The following NEURL1 variants were observed in gnomAD, a reference collection of about 807,000 sequenced individuals.
NEURL1 encodes the protein neuralized E3 ubiquitin protein ligase 1, also known as E3 ubiquitin-protein ligase NEURL1.
Under a neutral mutation model 41.2 loss-of-function variants are expected in NEURL1, and 26 were observed. The observed-to-expected ratio is 0.63, with a 90% CI of 0.46 to 0.87. NEURL1 has a LOEUF of 0.87. Ranked by LOEUF, NEURL1 falls within the 40% of genes least tolerant of loss-of-function variation. The pLI, the probability that NEURL1 is intolerant of heterozygous loss-of-function variation, is 0.00. For synonymous variants in NEURL1, 400 were observed against 402.3 expected, an observed-to-expected ratio of 0.99 and a Z score of 0.07; for missense variants, 761 against 871.1, an observed-to-expected ratio of 0.87 and a Z score of 1.59.
chr10:103,513,098 G>A (rs1178412185), intron 1 of NEURL1, among the ~76,000 whole-genome samples: 8 of 151,176 alleles, frequency 5.3e-5, no homozygotes, highest in African/African-American at 1.7e-4. Context: ...ACCATCACCC[G>A]GTGCCCACCC....
intron 1 of NEURL1, among the ~76,000 whole-genome samples, chr10:103,567,649 T>G (rs2035454021): frequency 6.6e-6 from 1 of 152,216 alleles, no homozygotes; most frequent in Non-Finnish European, 1.5e-5. Flanking sequence ...TCCTCCTGCC[T>G]TGGCCTCCCA....
At chr10:103,549,881 C>T (rs894410397) in intron 1 of NEURL1, among the ~76,000 whole-genome samples, 1 of 152,252 alleles carries the variant, frequency 6.6e-6, no homozygotes, top group Non-Finnish European at 1.5e-5. Context: ...GTCCTCCTTG[C>T]CTTCCACCCA....
rs534104060 is a variant in NEURL1, at chr10:103,498,320, C to G, written c.85+3848C>G. Among the ~76,000 whole-genome samples the G allele has an allele frequency of 1.4e-3, 207 of 152,294 alleles. 1 individual carries two copies. The highest frequency in any genetic ancestry group is 4.9e-3 in the African/African-American group (203 of 41,578). On this transcript the variant is annotated intron_variant, in intron 1 of 5. Coordinates refer to ENST00000369780, the MANE Select transcript of NEURL1 (RefSeq NM_004210.5). Reference sequence around the variant, plus strand: ...TCGGCTCACTGCAAGCTCCGCCTCCCGGGTTCACGCCTTCTCCCGCCTCAG... The same window carrying G: ...TCGGCTCACTGCAAGCTCCGCCTCCGGGGTTCACGCCTTCTCCCGCCTCAG...
chr10:103,509,234 CAAAAA>C (rs56319349), intron 1 of NEURL1, among the ~76,000 whole-genome samples: 23 of 111,534 alleles, frequency 2.1e-4, no homozygotes, highest in African/African-American at 5.8e-4. Flanking sequence ...GACTCTGTCT[CAAAAA>C]AAAAAAAAAA....
chr10:103,497,266 C>T (rs1564800740), intron 1 of NEURL1, among the ~76,000 whole-genome samples: 1 of 152,296 alleles, frequency 6.6e-6, no homozygotes, highest in East Asian at 1.9e-4. Context: ...GCCAGAAGTT[C>T]ATTCTAATTG....
chr10:103,509,038 G>A (rs1017988862), intron 1 of NEURL1, among the ~76,000 whole-genome samples: 2 of 152,132 alleles, frequency 1.3e-5, no homozygotes, highest in Admixed American at 6.5e-5. Context: ...AGACCAGCCC[G>A]GCCAACATGG....
chr10:103,494,550 G>A, intron 1 of NEURL1, 78 bp downstream of exon 1: 5 of 1,271,334 alleles, frequency 3.9e-6, no homozygotes, highest in Non-Finnish European at 5.4e-6. Flanking sequence ...GGGAGGGCGG[G>A]CAGACGCCAC....
rs1390760033 is a variant in NEURL1, at chr10:103,508,461, C to CT, written c.85+13989_85+13990insT. 6.6e-6 allele frequency among the ~76,000 whole-genome samples: 1 copy of CT among 152,174 alleles called. No homozygotes were observed. The highest frequency in any genetic ancestry group is 2.4e-5 in the African/African-American group (1 of 41,422). On this transcript the variant is annotated intron_variant, in intron 1 of 5. Transcript: ENST00000369780. The surrounding 1 kb of genome is among the most constrained non-coding windows in gnomAD (Gnocchi z 4.3). ...AGCGCCCTGACTTCTCTTCCAGCCC[C>CT]GAGGGACAAAGGCAGACCTTGGACT...
chr10:103,520,691 G>A (rs1010027691), intron 1 of NEURL1, among the ~76,000 whole-genome samples: 10 of 152,222 alleles, frequency 6.6e-5, no homozygotes, highest in African/African-American at 2.2e-4. Flanking sequence ...TAGTGTCGAA[G>A]TGTTGGGGCA....
intron 1 of NEURL1, among the ~76,000 whole-genome samples, chr10:103,569,771 G>A (rs1380906489): frequency 6.6e-6 from 1 of 152,148 alleles, no homozygotes; most frequent in African/African-American, 2.4e-5. Flanking sequence ...TCCTCCTCAT[G>A]CCACCCTCTC....
chr10:103,581,199 G>A (rs991971941), intron 3 of NEURL1, among the ~76,000 whole-genome samples: 1 of 152,150 alleles, frequency 6.6e-6, no homozygotes, highest in Non-Finnish European at 1.5e-5. Context: ...ATTTGAGGCT[G>A]GGAGGAAGGT....
intron 1 of NEURL1, among the ~76,000 whole-genome samples, chr10:103,537,213 T>C (rs538597580): frequency 1.2e-4 from 18 of 152,362 alleles, no homozygotes; most frequent in South Asian, 1.0e-3. Flanking sequence ...TTGTGAATAA[T>C]GCTGCTATGA....
At position 103,512,689 on chromosome 10, in the gene NEURL1, G is replaced by A. The variant is rs573587737; in HGVS notation, c.85+18217G>A. Among the ~76,000 whole-genome samples the A allele has an allele frequency of 2.4e-4, 36 of 152,250 alleles. No homozygotes were observed. In the South Asian group the frequency reaches 6.6e-3, roughly 28 times the overall value. On this transcript the variant is annotated intron_variant, in intron 1 of 5. Coordinates refer to ENST00000369780, the MANE Select transcript of NEURL1 (RefSeq NM_004210.5). ...CTGCTCGGCAGTTTCCCCAGCGCCCGCAGGGTTGGGCTGGGCTCAAGGGCA... is the reference window on the plus strand; with the variant it reads ...CTGCTCGGCAGTTTCCCCAGCGCCCACAGGGTTGGGCTGGGCTCAAGGGCA...
intron 1 of NEURL1, among the ~76,000 whole-genome samples, chr10:103,544,230 G>T (rs17115716): frequency 0.022 from 3,379 of 152,292 alleles, 124 homozygotes; most frequent in African/African-American, 0.076. Flanking sequence ...GCTGACACCA[G>T]ATTTCCGGCC....
At chr10:103,533,709 TG>T (rs903485204) in intron 1 of NEURL1, among the ~76,000 whole-genome samples, 2 of 152,182 alleles carry the variant, frequency 1.3e-5, no homozygotes, top group African/African-American at 4.8e-5. Context: ...GCTAATTTTT[TG>T]TATTTTTAGT....
chr10:103,557,286 T>C (rs187992739), intron 1 of NEURL1, among the ~76,000 whole-genome samples: 45 of 152,084 alleles, frequency 3.0e-4, no homozygotes, highest in African/African-American at 1.0e-3. Context: ...ACAAGATTAT[T>C]GTGAGGATTA....
intron 1 of NEURL1, among the ~76,000 whole-genome samples, chr10:103,540,723 C>T (rs576813926): frequency 1.3e-5 from 2 of 152,256 alleles, no homozygotes; most frequent in South Asian, 2.1e-4. Flanking sequence ...AGAGGATTCT[C>T]TTCTTGTTGA....
At chr10:103,538,648 T>C (rs1453131486) in intron 1 of NEURL1, among the ~76,000 whole-genome samples, 1 of 150,432 alleles carries the variant, frequency 6.6e-6, no homozygotes, top group Non-Finnish European at 1.5e-5. Context: ...ATTTTCTTTC[T>C]TCCTTTTTTT....
intron 1 of NEURL1, among the ~76,000 whole-genome samples, chr10:103,538,566 G>A (rs1442874968): frequency 6.6e-6 from 1 of 151,380 alleles, no homozygotes; most frequent in Non-Finnish European, 1.5e-5. Flanking sequence ...GTGAGACTCC[G>A]TCTCAAAACA....
Sources: allele counts gnomAD v4.1 joint callset (sites outside exome capture counted in the v4.1 genomes callset), GRCh38; gene constraint gnomAD v4.1.1; non-coding constraint Gnocchi (gnomAD v3.1); transcripts MANE v1.5; gene names NCBI Gene and HGNC (gene_info 2026-07-23, HGNC 2026-07-21).